The following PTP4A1 variants were observed in gnomAD, a reference collection of about 807,000 sequenced individuals.
PTP4A1 encodes the protein protein tyrosine phosphatase 4A1.
PTP4A1 carries 9 observed loss-of-function variants against 20.5 expected under a neutral mutation model. The ratio of observed to expected loss-of-function variants is 0.44; its 90% CI spans 0.26 to 0.77. The LOEUF (loss-of-function observed/expected upper bound fraction) is 0.77, where lower values mean the gene tolerates loss of function less well. PTP4A1 is among the 30% of genes least tolerant of loss of function. PTP4A1 has a pLI of 0.19. For missense variants in PTP4A1, 137 were observed against 218.8 expected (o/e 0.63, Z 2.36); for synonymous variants, 78 against 67.4 (o/e 1.16, Z -0.77).
At chr6:63,536,064 C>T (rs1353155451) in intron 2 of PTP4A1, among the ~76,000 whole-genome samples, 1 of 151,976 alleles carries the variant, frequency 6.6e-6, no homozygotes, top group East Asian at 2.0e-4. Flanking sequence ...TGAGCCACCA[C>T]TCCCGGTCTG....
chr6:63,580,249 T>G lies in PTP4A1; in HGVS notation c.*75T>G. Reference sequence around the variant, plus strand: ...TTTGTTATACATATTAGCCAACATGTTGGCTTAGTAAGTCTAATGAAGCTT... The same window carrying G: ...TTTGTTATACATATTAGCCAACATGGTGGCTTAGTAAGTCTAATGAAGCTT... On this transcript the variant is annotated 3_prime_UTR_variant, in exon 6 of 6. Transcript: ENST00000626021. 1 of 1,219,338 alleles carries G rather than the reference T, an allele frequency of 8.2e-7. No individual in the cohort carries two copies. The highest frequency in any genetic ancestry group is 1.2e-5 in the South Asian group (1 of 81,674). The allele number at this position is 1,219,338 out of a possible 1,614,324, so 75.5% of individuals were successfully genotyped here.
chr6:63,563,157 A>G (rs149132601), intron 3 of PTP4A1, among the ~76,000 whole-genome samples: 233 of 152,340 alleles, frequency 1.5e-3, no homozygotes, highest in African/African-American at 5.4e-3. Context: ...ATTCTACTCT[A>G]GGGCCTTCTC....
intron 3 of PTP4A1, among the ~76,000 whole-genome samples, chr6:63,560,614 G>C (rs942035499): frequency 6.6e-6 from 1 of 151,952 alleles, no homozygotes; most frequent in Non-Finnish European, 1.5e-5. Flanking sequence ...ATGTTGGCCA[G>C]GCTGGTCTCG....
chr6:63,579,360 ACT>A (rs753376864), intron 5 of PTP4A1, 29 bp downstream of exon 5: 63 of 1,510,104 alleles, frequency 4.2e-5, no homozygotes, highest in East Asian at 2.6e-4. Flanking sequence ...TTTCATTTGT[ACT>A]CTCTTTCATT....
upstream of PTP4A1, among the ~76,000 whole-genome samples, chr6:63,569,481 T>C (rs1027478410): frequency 6.6e-6 from 1 of 152,170 alleles, no homozygotes; most frequent in Admixed American, 6.5e-5. Flanking sequence ...GGTCTTGAAC[T>C]CCTAACTCCT....
intron 3 of PTP4A1, among the ~76,000 whole-genome samples, chr6:63,552,925 CT>C (rs1776517900): frequency 6.6e-6 from 1 of 152,180 alleles, no homozygotes; most frequent in East Asian, 1.9e-4. Context: ...GTACTGTAGC[CT>C]TGTAGTATAG....
At chr6:63,533,682 C>G (rs538759782) in intron 2 of PTP4A1, among the ~76,000 whole-genome samples, 85 of 152,032 alleles carry the variant, frequency 5.6e-4, no homozygotes, top group African/African-American at 2.0e-3. Flanking sequence ...CTTGGGAGGA[C>G]AGGATTAGAA....
intron 2 of PTP4A1, among the ~76,000 whole-genome samples, chr6:63,536,644 C>T (rs1775739947): frequency 6.6e-6 from 1 of 152,064 alleles, no homozygotes; most frequent in Admixed American, 6.6e-5. Flanking sequence ...TTGTGTCAGT[C>T]GCGATAACTG....
chr6:63,523,347 A>T lies in PTP4A1; in HGVS notation c.-906+1521A>T, dbSNP rs537619637. On this transcript the variant is annotated intron_variant, in intron 1 of 3. Coordinates refer to the PTP4A1 transcript ENST00000639568. The stretch of plus-strand genomic sequence containing the variant: ...CAGGAGTTCGAGACTAGCCTGGCCA[A>T]CATGGCAAAACCCTGTCTCTACTAG... Among the ~76,000 whole-genome samples, 17 of 152,184 alleles carry T rather than the reference A, an allele frequency of 1.1e-4. No individual in the cohort carries two copies. The South Asian group carries it at 3.3e-3, about 30-fold the overall frequency.
At chr6:63,555,763 G>A (rs1480847522) in intron 3 of PTP4A1, among the ~76,000 whole-genome samples, 4 of 147,208 alleles carry the variant, frequency 2.7e-5, no homozygotes, top group Admixed American at 7.0e-5. Flanking sequence ...GCGTGATCCC[G>A]GCTCACTGCA....
chr6:63,520,451 AC>A (rs1488727650), upstream of PTP4A1, among the ~76,000 whole-genome samples: 1 of 152,042 alleles, frequency 6.6e-6, no homozygotes, highest in Non-Finnish European at 1.5e-5. Context: ...ATGTGGCAAA[AC>A]CCCATCTGTA....
intron 1 of PTP4A1, among the ~76,000 whole-genome samples, chr6:63,526,540 T>C (rs931930782): frequency 3.3e-5 from 5 of 151,956 alleles, no homozygotes; most frequent in Non-Finnish European, 7.4e-5. Context: ...CCAGGCGCAG[T>C]GGCTCATGCC....
At chr6:63,557,143 T>C (rs189938023) in intron 3 of PTP4A1, among the ~76,000 whole-genome samples, 4 of 152,354 alleles carry the variant, frequency 2.6e-5, no homozygotes, top group South Asian at 2.1e-4. Flanking sequence ...GTGAGAGAGA[T>C]AGATGACATT....
intron 3 of PTP4A1, among the ~76,000 whole-genome samples, chr6:63,552,024 G>A (rs1433220325): frequency 6.6e-6 from 1 of 152,190 alleles, no homozygotes; most frequent in African/African-American, 2.4e-5. Flanking sequence ...TGTCTTTATA[G>A]CAGCATGATT....
intron 2 of PTP4A1, among the ~76,000 whole-genome samples, chr6:63,533,344 T>C (rs1397041374): frequency 2.0e-5 from 3 of 152,164 alleles, no homozygotes; most frequent in African/African-American, 7.2e-5. Context: ...ATTATGACAC[T>C]GCACTTCAGC....
At chr6:63,549,337 G>T in intron 2 of PTP4A1, 1 of 754,202 alleles carries the variant, frequency 1.3e-6, no homozygotes, top group Non-Finnish European at 2.4e-6. Flanking sequence ...ATATAGTGGG[G>T]GCCATTTCAC....
At chr6:63,568,331 G>T (rs1777275620), upstream of PTP4A1, among the ~76,000 whole-genome samples, 1 of 152,158 alleles carries the variant, frequency 6.6e-6, no homozygotes, top group Non-Finnish European at 1.5e-5. Context: ...GCCACTGTAG[G>T]GTTATTAATT....
At chr6:63,531,093 C>T (rs1775437724) in intron 2 of PTP4A1, among the ~76,000 whole-genome samples, 1 of 152,114 alleles carries the variant, frequency 6.6e-6, no homozygotes, top group Admixed American at 6.6e-5. Flanking sequence ...AAAGATAGAT[C>T]AGGTTTCAAG....
At chr6:63,544,955 A>G (rs1375351445) in intron 2 of PTP4A1, among the ~76,000 whole-genome samples, 1 of 152,156 alleles carries the variant, frequency 6.6e-6, no homozygotes, top group Admixed American at 6.5e-5. Flanking sequence ...ACCATATTGC[A>G]TATCAAACTT....
Sources: gnomAD v4.1 joint callset for allele counts (sites outside exome capture counted in the v4.1 genomes callset) on GRCh38, gnomAD v4.1.1 for gene constraint, MANE v1.5 for transcripts, NCBI Gene and HGNC (gene_info 2026-07-23, HGNC 2026-07-21) for gene names.